Variants in PHF21B observed in about 807,000 individuals in gnomAD.
PHF21B encodes the protein PHD finger protein 4.
A neutral mutation model predicts 62.2 loss-of-function variants in PHF21B; 22 were observed. The ratio of observed to expected loss-of-function variants is 0.35; its 90% CI spans 0.25 to 0.51. The LOEUF is 0.51. Among genes scored for constraint, PHF21B ranks in the 20% least tolerant of loss-of-function variants. The pLI is 0.97. For synonymous variants in PHF21B, 341 were observed against 314.7 expected (o/e 1.08, Z -0.88); for missense variants, 701 against 707.9 (o/e 0.99, Z 0.11).
rs189834732 is a variant in PHF21B at position 45,001,662 on chromosome 22, G to A, written c.120+6883C>T. On this transcript the variant is annotated intron_variant, in intron 2 of 12. Coordinates refer to ENST00000313237, the MANE Select transcript of PHF21B (RefSeq NM_138415.5). ...GTCACTCACAACATACCGCTCCACC[G>A]CTACTTCCATATCCCCAATAATTTC... 8.5e-4 allele frequency among the ~76,000 whole-genome samples: 130 copies of A among 152,296 alleles called. No homozygotes were observed. In the Middle Eastern group the frequency reaches 0.01, roughly 12 times the overall value.
intron 2 of PHF21B, among the ~76,000 whole-genome samples, chr22:44,955,883 C>T (rs1478777967): frequency 6.6e-6 from 1 of 152,174 alleles, no homozygotes; most frequent in East Asian, 1.9e-4. Context: ...TTGAGTCGGG[C>T]CATGGTCAGC....
At chr22:44,891,476 C>T in intron 7 of PHF21B, 116 bp from the exon 8 acceptor site, 4 of 1,272,306 alleles carry the variant, frequency 3.1e-6, no homozygotes, top group Non-Finnish European at 4.5e-6. Context: ...GGGCTCCAGG[C>T]TCTGGCTGGA....
chr22:44,931,448 C>T (rs2071739668), intron 2 of PHF21B, among the ~76,000 whole-genome samples: 1 of 152,218 alleles, frequency 6.6e-6, no homozygotes, highest in South Asian at 2.1e-4. Flanking sequence ...CCTTTACAGG[C>T]AGCTGCTCTT....
rs993426105 is a variant in PHF21B at position 44,935,029 on chromosome 22, T to C, written c.121-14539A>G. ...GAAGAAGTTCCCAGGGCCTTTGATA[T>C]CTCTGTGGCTGGTTAAACACACACG... On this transcript the variant is annotated intron_variant, in intron 2 of 12. Transcript: ENST00000313237. Among the ~76,000 whole-genome samples, 7 of 152,174 alleles carry C rather than the reference T, an allele frequency of 4.6e-5. No homozygotes were observed. In the South Asian group the frequency reaches 6.2e-4, roughly 14 times the overall value.
intron 2 of PHF21B, among the ~76,000 whole-genome samples, chr22:44,972,460 C>T (rs2350227): frequency 0.082 from 12,508 of 152,156 alleles, 582 homozygotes; most frequent in South Asian, 0.12. Context: ...ACGAGGAAGC[C>T]GAAAACCGAG....
intron 2 of PHF21B, among the ~76,000 whole-genome samples, chr22:44,946,293 CCAAA>C (rs2072069495): frequency 1.3e-5 from 2 of 148,434 alleles, no homozygotes; most frequent in South Asian, 4.2e-4. Flanking sequence ...CCTGACACCC[CCAAA>C]CGAGGCCAGA....
intron 2 of PHF21B, among the ~76,000 whole-genome samples, chr22:44,979,278 G>A (rs1411313212): frequency 6.6e-6 from 1 of 152,250 alleles, no homozygotes; most frequent in Non-Finnish European, 1.5e-5. Flanking sequence ...CTTTGGTATT[G>A]GCGGCCTGAT....
At chr22:44,945,434 G>A (rs988674461) in intron 2 of PHF21B, among the ~76,000 whole-genome samples, 1 of 152,224 alleles carries the variant, frequency 6.6e-6, no homozygotes, top group Admixed American at 6.5e-5. Flanking sequence ...ATCCTTGGGT[G>A]GGAATTGAGA....
chr22:44,883,465 G>A (rs1216358776), intron 12 of PHF21B, among the ~76,000 whole-genome samples, 161 bp from the exon 13 acceptor site: 3 of 152,198 alleles, frequency 2.0e-5, no homozygotes, highest in Non-Finnish European at 4.4e-5. Context: ...TGCAATTAAA[G>A]AGCAGCCAGA....
At position 44,918,904 on chromosome 22, in the gene PHF21B, C is replaced by T. The variant is rs548824901; in HGVS notation, c.213+1494G>A. Among the ~76,000 whole-genome samples the T allele has an allele frequency of 5.0e-4, 76 of 152,286 alleles. No individual in the cohort carries two copies. The South Asian group carries it at 0.013, about 27-fold the overall frequency. The stretch of plus-strand genomic sequence containing the variant: ...TAGCTCCCTGCTGCCCAAGGGTCAC[C>T]GACAGGAGAAGTCCAACTCTAAGGT... On this transcript the variant is annotated intron_variant, in intron 3 of 12. Coordinates refer to ENST00000313237, the MANE Select transcript of PHF21B (RefSeq NM_138415.5).
rs74793611 is a variant in PHF21B, at chr22:44,909,928, G to A, written c.831+3894C>T. On this transcript the variant is annotated intron_variant, in intron 5 of 12. Transcript: ENST00000313237. Reference sequence around the variant, plus strand: ...CATTTAGAATTCTCTCACGACACACGCATTTTTGAACCCGTTAGAGTCCTT... The same window carrying A: ...CATTTAGAATTCTCTCACGACACACACATTTTTGAACCCGTTAGAGTCCTT... Among the ~76,000 whole-genome samples, 35 of 152,212 alleles carry A rather than the reference G, an allele frequency of 2.3e-4. 1 individual carries two copies. In the East Asian group the frequency reaches 6.0e-3, roughly 26 times the overall value.
At chr22:44,923,331 C>CAAAAAAAAAAAAAAAAA in intron 2 of PHF21B, among the ~76,000 whole-genome samples, 1 of 125,104 alleles carries the variant, frequency 8.0e-6, no homozygotes, top group Non-Finnish European at 1.7e-5. Flanking sequence ...CATACCATAT[C>CAAAAAAAAAAAAAAAAA]AAAAAAAAAA....
intron 12 of PHF21B, 99 bp downstream of exon 12, chr22:44,885,327 G>C: frequency 1.1e-5 from 13 of 1,168,624 alleles, no homozygotes; most frequent in Middle Eastern, 2.9e-4. Flanking sequence ...GGCCAGCCTG[G>C]ATCTACACCT....
chr22:44,887,172 A>AAAAG (rs1555929923), intron 10 of PHF21B, among the ~76,000 whole-genome samples: 15 of 151,384 alleles, frequency 9.9e-5, no homozygotes, highest in African/African-American at 1.5e-4. Flanking sequence ...AAAAAAAAAA[A>AAAAG]AAAGAAAGAA....
intron 2 of PHF21B, among the ~76,000 whole-genome samples, chr22:44,986,993 T>C (rs2072961990): frequency 6.6e-6 from 1 of 152,224 alleles, no homozygotes; most frequent in Non-Finnish European, 1.5e-5. Flanking sequence ...CAGAGCAGCT[T>C]GTCTATCAGA....
chr22:44,959,706 C>T (rs1042891493), intron 2 of PHF21B, among the ~76,000 whole-genome samples: 4 of 152,238 alleles, frequency 2.6e-5, no homozygotes, highest in Admixed American at 6.5e-5. Context: ...GTGCTACCCA[C>T]GGGAAAAGTC....
chr22:45,009,388 G>C lies in PHF21B; in HGVS notation c.54+108C>G. Reference sequence around the variant, plus strand: ...GCCCCCCGCCCCCGGGCAGGCTCCAGCCTGGAAGACCCAGAGACCCGGAAG... The same window carrying C: ...GCCCCCCGCCCCCGGGCAGGCTCCACCCTGGAAGACCCAGAGACCCGGAAG... On this transcript the variant is annotated intron_variant, in intron 1 of 12. Coordinates refer to ENST00000313237, the MANE Select transcript of PHF21B (RefSeq NM_138415.5). This position sits in a 1 kb window ranked among gnomAD's most constrained non-coding sequence, Gnocchi z 5.9. 1 of 1,197,204 alleles carries C rather than the reference G, an allele frequency of 8.4e-7. No individual in the cohort carries two copies. The highest frequency in any genetic ancestry group is 1.1e-6 in the Non-Finnish European group (1 of 885,930). The allele number at this position is 1,197,204 out of a possible 1,614,324, so 74.2% of individuals were successfully genotyped here.
intron 2 of PHF21B, among the ~76,000 whole-genome samples, chr22:44,948,115 G>GT (rs136702): frequency 0.03 from 4,463 of 149,872 alleles, 157 homozygotes; most frequent in African/African-American, 0.087. Context: ...GTGGAAGATG[G>GT]TTTTTCCACG....
chr22:45,008,783 G>A, intron 1 of PHF21B, 173 bp from the exon 2 acceptor site: 12 of 1,159,928 alleles, frequency 1.0e-5, no homozygotes, highest in Non-Finnish European at 1.2e-5. Context: ...GTGCCGCGCG[G>A]GGCCGCTTAC....
Sources: allele counts gnomAD v4.1 joint callset (sites outside exome capture counted in the v4.1 genomes callset), GRCh38; gene constraint gnomAD v4.1.1; non-coding constraint Gnocchi (gnomAD v3.1); transcripts MANE v1.5; gene names NCBI Gene and HGNC (gene_info 2026-07-23, HGNC 2026-07-21).